Variants in CUX1 observed in about 807,000 individuals in gnomAD.
CUX1 encodes protein CASP.
CUX1 carries 31 observed loss-of-function variants against 158.8 expected under a neutral mutation model. The observed-to-expected ratio is 0.20, with a 90% CI of 0.15 to 0.26. CUX1 has a LOEUF of 0.26. CUX1 is among the 10% of genes least tolerant of loss of function. CUX1 has a pLI of 1.00. For synonymous variants in CUX1, 879 were observed against 862.1 expected (o/e 1.02, Z -0.34); for missense variants, 1,589 against 2,014.6 (o/e 0.79, Z 4.04).
At chr7:102,127,031 T>C (rs1832716829) in intron 8 of CUX1, among the ~76,000 whole-genome samples, 1 of 152,164 alleles carries the variant, frequency 6.6e-6, no homozygotes, top group Non-Finnish European at 1.5e-5. Flanking sequence ...CTAATGCTGC[T>C]GCTCATCTGA....
In CUX1 at chr7:101,928,880, C is replaced by T. The variant is rs187946351; in HGVS notation, c.141+12655C>T. Among the ~76,000 whole-genome samples, 467 of 151,190 alleles carry T rather than the reference C, an allele frequency of 3.1e-3. 1 individual carries two copies. Among genetic ancestry groups the T allele is most frequent in the African/African-American group, 0.011 (450 of 41,228 alleles). ...AGAGACGGGGTTTCACCGTTTTAGCCGGGATGGTCTCGATCTCCTGACCTC... is the reference window on the plus strand; with the variant it reads ...AGAGACGGGGTTTCACCGTTTTAGCTGGGATGGTCTCGATCTCCTGACCTC... On this transcript the variant is annotated intron_variant, in intron 2 of 23. Coordinates refer to ENST00000292535, the MANE Select transcript of CUX1 (RefSeq NM_181552.4).
chr7:102,138,926 A>AT (rs1554499401), intron 8 of CUX1, among the ~76,000 whole-genome samples: 3 of 152,164 alleles, frequency 2.0e-5, no homozygotes, highest in African/African-American at 7.2e-5. Context: ...TCCAGCTGCC[A>AT]TTTTAGCTTT....
intron 1 of CUX1, among the ~76,000 whole-genome samples, chr7:101,827,974 T>G (rs1193061102): frequency 4.2e-5 from 1 of 23,974 alleles, no homozygotes; most frequent in Non-Finnish European, 7.5e-5. Context: ...GTATAACTTG[T>G]TTTTTTTTTT....
chr7:102,265,724 G>A (rs1411954227), intron 14 of CUX1, among the ~76,000 whole-genome samples: 5 of 152,056 alleles, frequency 3.3e-5, no homozygotes, highest in African/African-American at 9.7e-5. Context: ...TGAGACAGTT[G>A]CACCCGACCA....
At chr7:102,235,086 G>A (rs1395518000) in intron 22 of CUX1, among the ~76,000 whole-genome samples, 2 of 152,200 alleles carry the variant, frequency 1.3e-5, no homozygotes, top group Non-Finnish European at 2.9e-5. Context: ...CCTCCCTAGA[G>A]GAATAACCCC....
rs190052497 is a variant in CUX1, at chr7:101,829,606, T to C, written c.30+11937T>C. On this transcript the variant is annotated intron_variant, in intron 1 of 23. Coordinates refer to ENST00000292535, the MANE Select transcript of CUX1 (RefSeq NM_181552.4). The stretch of plus-strand genomic sequence containing the variant: ...GTCATCGGGTGACTCAGAAGGGACC[T>C]CTTCTCAGGGGCCGCCCAAGATGAG... 1.5e-3 allele frequency among the ~76,000 whole-genome samples: 219 copies of C among 150,900 alleles called. 1 individual carries two copies. Among genetic ancestry groups the C allele is most frequent in the African/African-American group, 4.8e-3 (198 of 41,068 alleles).
intron 4 of CUX1, among the ~76,000 whole-genome samples, chr7:102,087,374 A>C (rs1554480875): frequency 6.6e-6 from 1 of 152,200 alleles, no homozygotes; most frequent in Non-Finnish European, 1.5e-5. Context: ...TGAGGTCAGC[A>C]GTTTTAGACC....
At chr7:101,998,107 C>T (rs1489811131) in intron 2 of CUX1, among the ~76,000 whole-genome samples, 1 of 152,232 alleles carries the variant, frequency 6.6e-6, no homozygotes, top group Non-Finnish European at 1.5e-5. Context: ...GAGCCGGGTA[C>T]TGTGCCATAA....
intron 20 of CUX1, chr7:102,281,709 G>A: frequency 1.5e-6 from 1 of 666,920 alleles, no homozygotes; most frequent in South Asian, 1.6e-5. Context: ...CCATAATGAT[G>A]GAATAGGGGC....
At position 102,121,233 on chromosome 7, in the gene CUX1, T is replaced by G. The variant is rs533677172; in HGVS notation, c.674+5960T>G. Among the ~76,000 whole-genome samples the G allele has an allele frequency of 5.3e-5, 8 of 152,270 alleles. No individual in the cohort carries two copies. The East Asian group carries it at 1.4e-3, about 26-fold the overall frequency. On this transcript the variant is annotated intron_variant, in intron 8 of 23. Coordinates refer to ENST00000292535, the MANE Select transcript of CUX1 (RefSeq NM_181552.4). Reference sequence around the variant, plus strand: ...TTCAGGCTGGAGTGCAGTGGTGCGATCATGGCTCACTGCAACCTCCACCTC... The same window carrying G: ...TTCAGGCTGGAGTGCAGTGGTGCGAGCATGGCTCACTGCAACCTCCACCTC...
At chr7:101,965,834 G>T (rs1252493865) in intron 2 of CUX1, among the ~76,000 whole-genome samples, 1 of 112,260 alleles carries the variant, frequency 8.9e-6, no homozygotes, top group Non-Finnish European at 1.7e-5. Flanking sequence ...GGGCAACAGT[G>T]TGTGACTCCA....
At chr7:102,044,869 G>C (rs1462913265) in intron 3 of CUX1, among the ~76,000 whole-genome samples, 1 of 152,108 alleles carries the variant, frequency 6.6e-6, no homozygotes, top group South Asian at 2.1e-4. Flanking sequence ...AGGATGATGC[G>C]TTCTGGCTGG....
chr7:102,187,603 C>T (rs1160284157), intron 11 of CUX1, among the ~76,000 whole-genome samples: 7 of 152,026 alleles, frequency 4.6e-5, no homozygotes, highest in African/African-American at 9.7e-5. Context: ...TATTCCCAGC[C>T]GGCTCCTATT....
At chr7:102,047,466 T>C (rs1822951697) in intron 3 of CUX1, among the ~76,000 whole-genome samples, 1 of 146,032 alleles carries the variant, frequency 6.8e-6, no homozygotes, top group Non-Finnish European at 1.5e-5. Flanking sequence ...GGTGATAGGA[T>C]AGAGCTATGG....
intron 8 of CUX1, among the ~76,000 whole-genome samples, chr7:102,135,126 C>A (rs1296960405): frequency 6.6e-6 from 1 of 152,038 alleles, no homozygotes; most frequent in Non-Finnish European, 1.5e-5. Context: ...GCACTGACCC[C>A]CGACACAGTG....
In CUX1 at chr7:102,254,928, G is replaced by T. The variant is rs1201457339; in HGVS notation, c.*5886G>T. The T allele has an allele frequency of 2.0e-6, 2 of 985,342 alleles. No individual in the cohort carries two copies. Among genetic ancestry groups the T allele is most frequent in the African/African-American group, 1.7e-5 (1 of 57,230 alleles). The allele number at this position is 985,342 out of a possible 1,614,324, so 61.0% of individuals were successfully genotyped here. On this transcript the variant is annotated 3_prime_UTR_variant, in exon 24 of 24. Transcript: ENST00000292535. ...AACTACCAGGGAAAAGGGGAAGCAG[G>T]TACCCAATAAAGTTTAGAAAGATCC...
At chr7:101,833,871 C>T (rs1794332461) in intron 1 of CUX1, among the ~76,000 whole-genome samples, 1 of 152,072 alleles carries the variant, frequency 6.6e-6, no homozygotes, top group Admixed American at 6.6e-5. Context: ...TTTTCCCCCC[C>T]AAATCAGGGC....
At chr7:102,092,184 C>T (rs1199489313) in intron 4 of CUX1, among the ~76,000 whole-genome samples, 1 of 152,208 alleles carries the variant, frequency 6.6e-6, no homozygotes, top group African/African-American at 2.4e-5. Context: ...CCTCCTTGCA[C>T]TCCTATTTTT....
intron 23 of CUX1, among the ~76,000 whole-genome samples, chr7:102,246,827 C>G (rs1800863229): frequency 6.6e-6 from 1 of 152,250 alleles, no homozygotes; most frequent in Non-Finnish European, 1.5e-5. Context: ...GCCTCAGCCT[C>G]CCAAAGTGCT....
Sources: allele counts gnomAD v4.1 joint callset (sites outside exome capture counted in the v4.1 genomes callset), GRCh38; gene constraint gnomAD v4.1.1; transcripts MANE v1.5; gene names NCBI Gene and HGNC (gene_info 2026-07-23, HGNC 2026-07-21).